Variants in PLAAT3 observed in about 807,000 individuals in gnomAD.
PLAAT3 encodes the protein Ca-independent phospholipase A1/2.
In PLAAT3, 21 loss-of-function variants were observed where a neutral mutation model predicts 16.7. That is an observed-to-expected ratio of 1.26 (90% CI 0.89 to 1.81). The LOEUF (loss-of-function observed/expected upper bound fraction) is 1.81. Among genes scored for constraint, PLAAT3 ranks in the 40% most tolerant of loss-of-function variants. The pLI is 0.00. For synonymous variants in PLAAT3, 76 were observed against 81.7 expected (o/e 0.93, Z 0.38); for missense variants, 219 against 213.7 (o/e 1.02, Z -0.16).
At chr11:63,588,062 A>G (rs1938029600) in intron 4 of PLAAT3, among the ~76,000 whole-genome samples, 1 of 151,854 alleles carries the variant, frequency 6.6e-6, no homozygotes, top group Non-Finnish European at 1.5e-5. Context: ...AAAATAAAAA[A>G]CAATAAAATA....
At chr11:63,614,478 C>T (rs556755395), upstream of PLAAT3, 31 of 156,948 alleles carry the variant, frequency 2.0e-4, no homozygotes, top group Non-Finnish European at 3.6e-4. Context: ...CCGGCCCCTC[C>T]CCGCGCCGCC....
chr11:63,604,336 TG>T (rs1213659717), intron 2 of PLAAT3, among the ~76,000 whole-genome samples: 1 of 152,174 alleles, frequency 6.6e-6, no homozygotes, highest in Non-Finnish European at 1.5e-5. Flanking sequence ...ACAATAAAAA[TG>T]TTAAAAAGTA....
intron 3 of PLAAT3, among the ~76,000 whole-genome samples, chr11:63,596,418 C>T (rs955260252): frequency 9.9e-5 from 15 of 151,654 alleles, no homozygotes; most frequent in African/African-American, 2.2e-4. Context: ...TCCATGGACT[C>T]GGCAGTGGGG....
At chr11:63,579,888 A>AG (rs200486221) in intron 4 of PLAAT3, among the ~76,000 whole-genome samples, 7,444 of 150,744 alleles carry the variant, frequency 0.049, 274 homozygotes, top group African/African-American at 0.091. Context: ...AAAAAAAAAA[A>AG]AAGAAGAAGA....
At chr11:63,580,249 C>T (rs1008305059) in intron 4 of PLAAT3, among the ~76,000 whole-genome samples, 4 of 152,142 alleles carry the variant, frequency 2.6e-5, no homozygotes, top group Non-Finnish European at 4.4e-5. Flanking sequence ...TGATAAGCCC[C>T]AAAAGGTGTC....
upstream of PLAAT3, among the ~76,000 whole-genome samples, chr11:63,615,339 T>C (rs1003169751): frequency 3.2e-4 from 2 of 6,254 alleles, no homozygotes; most frequent in Admixed American, 4.8e-3. Context: ...TATATGTGTG[T>C]ATATATGTGT....
chr11:63,588,977 C>CAA lies in PLAAT3; in HGVS notation c.387+1121_387+1122dup, dbSNP rs58090843. On this transcript the variant is annotated intron_variant, in intron 4 of 4. Coordinates refer to ENST00000415826, the MANE Select transcript of PLAAT3 (RefSeq NM_001128203.2). ...GGGACCAGGCAATGGATGAGCCAAG[C>CAA]AAAAAAAAAAAAAAAAAAAAAGAGG... 5.0e-3 allele frequency among the ~76,000 whole-genome samples: 233 copies of CAA among 46,852 alleles called. 1 individual carries two copies. Among genetic ancestry groups the CAA allele is most frequent in the Non-Finnish European group, 6.5e-3 (151 of 23,406 alleles). The allele number at this position is 46,852 out of a possible 152,430, so 30.7% of individuals were successfully genotyped here.
intron 2 of PLAAT3, among the ~76,000 whole-genome samples, chr11:63,604,238 C>T (rs9804538): frequency 0.026 from 3,926 of 152,138 alleles, 147 homozygotes; most frequent in African/African-American, 0.088. Context: ...ATATTACATA[C>T]GCAACAGTGC....
chr11:63,592,269 C>T (rs947165467), intron 3 of PLAAT3, among the ~76,000 whole-genome samples: 3 of 151,742 alleles, frequency 2.0e-5, no homozygotes, highest in Non-Finnish European at 2.9e-5. Context: ...TCAGTTCAAG[C>T]GATTCTCATG....
chr11:63,607,324 G>C (rs904938459), intron 2 of PLAAT3, among the ~76,000 whole-genome samples: 10 of 152,070 alleles, frequency 6.6e-5, no homozygotes, highest in African/African-American at 2.2e-4. Context: ...TTCCTTATGA[G>C]ATCAGCTCCT....
intron 2 of PLAAT3, among the ~76,000 whole-genome samples, chr11:63,605,540 GTTCT>G (rs1213417963): frequency 6.6e-6 from 1 of 151,876 alleles, no homozygotes; most frequent in African/African-American, 2.4e-5. Context: ...TGTCTTTTTT[GTTCT>G]TTGTTTTTGT....
chr11:63,615,056 A>G (rs558693502), upstream of PLAAT3, among the ~76,000 whole-genome samples: 18 of 27,870 alleles, frequency 6.5e-4, 3 homozygotes, highest in Admixed American at 2.4e-3. Flanking sequence ...ATATATGTGT[A>G]TATATATGTG....
chr11:63,613,946 C>G (rs1312039052), intron 2 of PLAAT3, 54 bp downstream of exon 2: 1 of 1,122,402 alleles, frequency 8.9e-7, no homozygotes, highest in Non-Finnish European at 1.4e-6. Flanking sequence ...ACAACGAGTC[C>G]CCACTAACAG....
At chr11:63,613,619 T>A (rs1275207900) in intron 2 of PLAAT3, among the ~76,000 whole-genome samples, 1 of 152,190 alleles carries the variant, frequency 6.6e-6, no homozygotes, top group African/African-American at 2.4e-5. Flanking sequence ...GGGACTCCGC[T>A]GGCAGGGCTG....
At chr11:63,583,883 T>C (rs1312483020) in intron 4 of PLAAT3, among the ~76,000 whole-genome samples, 1 of 152,230 alleles carries the variant, frequency 6.6e-6, no homozygotes, top group Non-Finnish European at 1.5e-5. Flanking sequence ...AGTTAAGCCT[T>C]GATTTAGGGA....
chr11:63,588,784 G>A (rs1456019348), intron 4 of PLAAT3, among the ~76,000 whole-genome samples: 1 of 151,984 alleles, frequency 6.6e-6, no homozygotes, highest in African/African-American at 2.4e-5. Context: ...CCATTCAAAG[G>A]TAACTAATAT....
At chr11:63,615,092 A>ATATGTGTGTG (rs1938811124), upstream of PLAAT3, among the ~76,000 whole-genome samples, 2 of 82,324 alleles carry the variant, frequency 2.4e-5, 1 homozygote, top group Non-Finnish European at 5.2e-5. Flanking sequence ...ATATATGTGT[A>ATATGTGTGTG]TATATGTGTA....
At chr11:63,602,993 T>C (rs916564022) in intron 2 of PLAAT3, among the ~76,000 whole-genome samples, 2 of 152,174 alleles carry the variant, frequency 1.3e-5, no homozygotes, top group Admixed American at 6.5e-5. Context: ...CTCAGGAGGC[T>C]GAGGCAGGGA....
intron 2 of PLAAT3, among the ~76,000 whole-genome samples, chr11:63,599,978 C>T (rs1938384545): frequency 6.6e-6 from 1 of 152,058 alleles, no homozygotes; most frequent in Admixed American, 6.6e-5. Context: ...ATAGAACATG[C>T]TGCCTTTATT....
Sources: allele counts gnomAD v4.1 joint callset (sites outside exome capture counted in the v4.1 genomes callset), GRCh38; gene constraint gnomAD v4.1.1; transcripts MANE v1.5; gene names NCBI Gene and HGNC (gene_info 2026-07-23, HGNC 2026-07-21).